The following NPM2 variants were observed in gnomAD, a reference collection of about 807,000 sequenced individuals.
The protein encoded by NPM2 is nucleophosmin/nucleoplasmin 2, also known as nucleoplasmin-2.
In NPM2, 25 loss-of-function variants were observed where a neutral mutation model predicts 32.0. That is an observed-to-expected ratio of 0.78 (90% CI 0.57 to 1.09). NPM2 has a LOEUF of 1.09. NPM2 is among the 50% of genes least tolerant of loss of function. The pLI, the probability that NPM2 is intolerant of heterozygous loss-of-function variation, is 0.00. For missense variants in NPM2, 282 were observed against 259.9 expected, an observed-to-expected ratio of 1.08 and a Z score of -0.58; for synonymous variants, 111 against 94.2, an observed-to-expected ratio of 1.18 and a Z score of -1.04.
In NPM2 at chr8:22,036,790, G is replaced by C; in HGVS notation, c.*108G>C. Reference sequence around the variant, plus strand: ...TCCACCTGTGTCTGAATGCAACAGGGGTGTTGCGGGGGCAACATGAGAGCC... The same window carrying C: ...TCCACCTGTGTCTGAATGCAACAGGCGTGTTGCGGGGGCAACATGAGAGCC... On this transcript the variant is annotated 3_prime_UTR_variant, in exon 10 of 10. Coordinates refer to ENST00000518119, the MANE Select transcript of NPM2 (RefSeq NM_001286680.2). The C allele has an allele frequency of 8.9e-7, 1 of 1,127,344 alleles. No homozygotes were observed. The highest frequency in any genetic ancestry group is 1.2e-6 in the Non-Finnish European group (1 of 813,780). The allele number at this position is 1,127,344 out of a possible 1,614,324, so 69.8% of individuals were successfully genotyped here.
Position 22,025,748 on chromosome 8 carries a change from A to G in NPM2, c.246A>G (p.Ser82=). 3 of 1,613,866 alleles carry G rather than the reference A, an allele frequency of 1.9e-6. No individual in the cohort carries two copies. The highest frequency in any genetic ancestry group is 1.1e-5 in the South Asian group (1 of 91,050). The change falls in exon 5 of 10, where the codon TCA becomes TCG. Residue 82 remains serine (S), a synonymous_variant. Transcript: ENST00000518119. ...DKKMQPVTIA[S]LQASVLPMVS... The stretch of plus-strand genomic sequence containing the variant: ...AGATGCAGCCGGTCACCATTGCCTC[A>G]CTCCAGGCCTCAGTCCTCCCCATGG...
intron 5 of NPM2, among the ~76,000 whole-genome samples, chr8:22,027,356 C>A (rs2117449593): frequency 6.6e-6 from 1 of 152,266 alleles, no homozygotes; most frequent in African/African-American, 2.4e-5. Flanking sequence ...CGATCTCATC[C>A]TTTCCTGTGG....
At chr8:22,036,212 G>C in intron 8 of NPM2, 1 of 394,904 alleles carries the variant, frequency 2.5e-6, no homozygotes, top group South Asian at 3.4e-5. Flanking sequence ...TAGTGTCACT[G>C]CACTCCAGCC....
In NPM2 at chr8:22,025,771, T is replaced by A; in HGVS notation, c.269T>A (p.Met90Lys). 6.2e-7 allele frequency: 1 copy of A among 1,613,988 alleles called. No homozygotes were observed. Among genetic ancestry groups the A allele is most frequent in the Non-Finnish European group, 8.5e-7 (1 of 1,179,990 alleles). The change falls in exon 5 of 10, where the codon ATG becomes AAG. Residue 90 changes from methionine to lysine, a missense_variant and splice_region_variant. By Grantham distance (95) the Met-to-Lys change is moderately conservative. Transcript: ENST00000518119. ...TCACTCCAGGCCTCAGTCCTCCCCATGGTGCGCATTTCCCTGCTGGCTGGA... is the reference window on the plus strand; with the variant it reads ...TCACTCCAGGCCTCAGTCCTCCCCAAGGTGCGCATTTCCCTGCTGGCTGGA... ...IASLQASVLP[M>K]VSMVGVQLSP...
chr8:22,024,263 C>G lies in NPM2; in HGVS notation c.-501C>G, dbSNP rs1332382701. On this transcript the variant is annotated 5_prime_UTR_variant, in exon 1 of 10. Transcript: ENST00000518119. The stretch of plus-strand genomic sequence containing the variant: ...AGGGCTCGCTCGCTCTCACGGTAGG[C>G]TGGAAGAACGGGCTGTCTGGGCCTT... 1 of 152,382 alleles carries G rather than the reference C, an allele frequency of 6.6e-6. No homozygotes were observed. Among genetic ancestry groups the G allele is most frequent in the Non-Finnish European group, 1.5e-5 (1 of 68,158 alleles). 9.4% of individuals were successfully genotyped at this position (152,382 alleles called of 1,614,324 possible).
Position 22,025,183 on chromosome 8 carries a change from G to C in NPM2, c.-33-33G>C, listed in dbSNP as rs1383317594. ...CCTCCAGTCGAGGGTCAGGGTCAGG[G>C]AGCAAGGCCTCACGCGGGCGCCCTC... On this transcript the variant is annotated intron_variant, in intron 2 of 9. Coordinates refer to ENST00000518119, the MANE Select transcript of NPM2 (RefSeq NM_001286680.2). The C allele has an allele frequency of 4.5e-6, 7 of 1,559,830 alleles. No homozygotes were observed. In the Admixed American group the frequency reaches 1.3e-4, roughly 30 times the overall value.
intron 5 of NPM2, 109 bp downstream of exon 5, chr8:22,025,881 A>G: frequency 8.6e-6 from 13 of 1,503,678 alleles, no homozygotes; most frequent in Non-Finnish European, 1.1e-5. Context: ...GAGCCATGCT[A>G]GGGAGGTAGC....
chr8:22,027,710 G>A (rs1166528445), intron 5 of NPM2, among the ~76,000 whole-genome samples: 3 of 151,582 alleles, frequency 2.0e-5, no homozygotes, highest in East Asian at 3.9e-4. Flanking sequence ...ATGTTCGAGT[G>A]ATTCTCCCAT....
chr8:22,034,647 C>T lies in NPM2; in HGVS notation c.566+103C>T, dbSNP rs748826494. On this transcript the variant is annotated intron_variant, in intron 8 of 9. Coordinates refer to ENST00000518119, the MANE Select transcript of NPM2 (RefSeq NM_001286680.2). ...GGATGTACGTGTACAAATGTACACA[C>T]GGTGTGTCTACCTGCACTCGCAGGC... The T allele has an allele frequency of 2.2e-5, 21 of 966,900 alleles. No individual in the cohort carries two copies. The African/African-American group carries it at 2.3e-4, about 10-fold the overall frequency. The allele number at this position is 966,900 out of a possible 1,614,324, so 59.9% of individuals were successfully genotyped here.
chr8:22,033,839 C>T (rs1039348786), intron 6 of NPM2, among the ~76,000 whole-genome samples: 4 of 152,178 alleles, frequency 2.6e-5, no homozygotes, highest in African/African-American at 7.2e-5. Flanking sequence ...CCCCTCCTAC[C>T]CAGCCAGAGC....
rs1213824032 is a variant in NPM2, at chr8:22,024,306, T to C, written c.-458T>C. 1.3e-5 allele frequency: 2 copies of C among 152,396 alleles called. No homozygotes were observed. Among genetic ancestry groups the C allele is most frequent in the Non-Finnish European group, 1.5e-5 (1 of 68,136 alleles). 9.4% of individuals were successfully genotyped at this position (152,396 alleles called of 1,614,324 possible). A position where few individuals can be genotyped will look rare whatever the true frequency, so the allele number is the denominator to read the frequency against. ...TGGGCCTTAGGAAAGGCCCATGCTG[T>C]ATAAGGCATGGGGAAAGGAAAGGAA... On this transcript the variant is annotated 5_prime_UTR_variant, in exon 1 of 10. Transcript: ENST00000518119.
intron 2 of NPM2, 124 bp from the exon 3 acceptor site, chr8:22,025,092 G>C: frequency 1.4e-6 from 1 of 727,614 alleles, no homozygotes. Context: ...GCCCTTGACC[G>C]TGGCAGGTCC....
At chr8:22,029,170 T>G (rs1198182602) in intron 5 of NPM2, among the ~76,000 whole-genome samples, 1 of 152,222 alleles carries the variant, frequency 6.6e-6, no homozygotes, top group Non-Finnish European at 1.5e-5. Flanking sequence ...AAATGGAGTC[T>G]CACTTTGTTT....
chr8:22,032,434 GCACAT>G (rs894023689), intron 5 of NPM2, among the ~76,000 whole-genome samples: 50 of 152,276 alleles, frequency 3.3e-4, no homozygotes, highest in African/African-American at 1.2e-3. Context: ...TTACGAGTTG[GCACAT>G]CACCTGTCTG....
Position 22,036,883 on chromosome 8 carries a change from G to T in NPM2, c.*201G>T. ...AGCCCCACCTCGGGGTCACAATAAA[G>T]TTGCCTGGTCAGGACTTTCCTTCTC... On this transcript the variant is annotated 3_prime_UTR_variant, in exon 10 of 10. Coordinates refer to ENST00000518119, the MANE Select transcript of NPM2 (RefSeq NM_001286680.2). 3 of 574,368 alleles carry T rather than the reference G, an allele frequency of 5.2e-6. No individual in the cohort carries two copies. The highest frequency in any genetic ancestry group is 2.4e-5 in the South Asian group (1 of 40,980). 35.6% of individuals were successfully genotyped at this position (574,368 alleles called of 1,614,324 possible).
At chr8:22,034,462 T>G (rs780354790) in intron 7 of NPM2, 48 bp from the exon 8 acceptor site, 1 of 1,562,900 alleles carries the variant, frequency 6.4e-7, no homozygotes, top group Non-Finnish European at 8.8e-7. Flanking sequence ...CTGTTCTGGC[T>G]CTGGACTTTG....
intron 5 of NPM2, among the ~76,000 whole-genome samples, chr8:22,030,312 C>T (rs558122936): frequency 1.3e-5 from 2 of 152,252 alleles, no homozygotes; most frequent in South Asian, 2.1e-4. Flanking sequence ...GATCATGGCT[C>T]ACTGCAGCCT....
intron 5 of NPM2, among the ~76,000 whole-genome samples, chr8:22,026,680 C>A (rs1800267587): frequency 6.6e-6 from 1 of 152,140 alleles, no homozygotes; most frequent in Admixed American, 6.5e-5. Flanking sequence ...GTCTCGAACT[C>A]CTGACCTCAG....
chr8:22,027,795 T>G (rs1480600954), intron 5 of NPM2, among the ~76,000 whole-genome samples: 2 of 152,104 alleles, frequency 1.3e-5, no homozygotes, highest in Non-Finnish European at 2.9e-5. Context: ...TTAGTAGAGA[T>G]GGGTTTTTGC....
Sources: allele counts gnomAD v4.1 joint callset (sites outside exome capture counted in the v4.1 genomes callset), GRCh38; gene constraint gnomAD v4.1.1; transcripts MANE v1.5; gene names NCBI Gene and HGNC (gene_info 2026-07-23, HGNC 2026-07-21).